Variants in GSTA2 observed in about 807,000 individuals in gnomAD.
GSTA2 encodes the protein glutathione S-transferase A2.
GSTA2 carries 27 observed loss-of-function variants against 22.4 expected under a neutral mutation model. That is an observed-to-expected ratio of 1.21 (90% confidence interval 0.89 to 1.67). GSTA2 has a LOEUF of 1.67. Among genes scored for constraint, GSTA2 ranks in the 40% most tolerant of loss-of-function variants. The pLI, the probability that GSTA2 is intolerant of heterozygous loss-of-function variation, is 0.00. For missense variants in GSTA2, 302 were observed against 260.2 expected (o/e 1.16, Z -1.11); for synonymous variants, 121 against 86.8 (o/e 1.39, Z -2.19).
At chr6:52,754,049 G>A (rs373783736) in intron 4 of GSTA2, among the ~76,000 whole-genome samples, 5 of 152,114 alleles carry the variant, frequency 3.3e-5, no homozygotes, top group Non-Finnish European at 5.9e-5. Context: ...GCATGCATTC[G>A]TACTTCATTC....
chr6:52,754,812 G>A (rs1250082793), intron 4 of GSTA2, 131 bp downstream of exon 4: 1 of 1,160,182 alleles, frequency 8.6e-7, no homozygotes, highest in Non-Finnish European at 1.3e-6. Context: ...TGCAATACTG[G>A]ACCTCAGCGT....
At chr6:52,763,237 C>T (rs2070774) in intron 1 of GSTA2, among the ~76,000 whole-genome samples, 113,796 of 152,032 alleles carry the variant, frequency 0.75, 43,943 homozygotes, top group African/African-American at 0.94. Context: ...GTTTTCTAAA[C>T]TCTTCATTTT....
intron 6 of GSTA2, 70 bp from the exon 7 acceptor site, chr6:52,750,769 A>G: frequency 1.3e-6 from 2 of 1,571,406 alleles, no homozygotes; most frequent in Admixed American, 3.7e-5. Flanking sequence ...AACATGACCC[A>G]GGGAATCTGA....
rs1273592131 is a variant in GSTA2 at position 52,751,640 on chromosome 6, C to T, written c.483G>A (p.Val161=). Residue 161 remains valine (V), a synonymous_variant, in exon 6 of 7, where the codon GTG becomes GTA. Transcript: ENST00000493422. The part of the protein sequence containing the change: ...NKLSRADIHL[V]ELLYYVEELD... ...GCTCTTCCACGTAGTAGAGAAGTTC[C>T]ACCAGGTGAATGTCAGCCCGGCTCA... 1.2e-6 allele frequency: 2 copies of T among 1,614,166 alleles called. No homozygotes were observed. Among genetic ancestry groups the T allele is most frequent in the East Asian group, 2.2e-5 (1 of 44,872 alleles).
chr6:52,753,156 A>G (rs976898957), intron 4 of GSTA2, among the ~76,000 whole-genome samples, 161 bp from the exon 5 acceptor site: 16 of 146,924 alleles, frequency 1.1e-4, no homozygotes, highest in Non-Finnish European at 2.9e-5. Context: ...TTACAGGTAT[A>G]TAGTCATTAT....
intron 4 of GSTA2, among the ~76,000 whole-genome samples, chr6:52,753,340 G>A (rs1265609378): frequency 6.6e-6 from 1 of 152,112 alleles, no homozygotes; most frequent in Non-Finnish European, 1.5e-5. Flanking sequence ...GCTGTGCCAG[G>A]ATTTATCATC....
chr6:52,750,455 T>C lies in GSTA2; in HGVS notation c.*122A>G. On this transcript the variant is annotated 3_prime_UTR_variant, in exon 7 of 7. Transcript: ENST00000493422. ...TAGGAGTTGTATTATTTAATTAGCA[T>C]ATAATTTGAAAGAGTTCATTAGCTT... 1.1e-6 allele frequency: 1 copy of C among 870,096 alleles called. No individual in the cohort carries two copies. Among genetic ancestry groups the C allele is most frequent in the Non-Finnish European group, 1.8e-6 (1 of 558,704 alleles). The allele number at this position is 870,096 out of a possible 1,614,324, so 53.9% of individuals were successfully genotyped here. A position where few individuals can be genotyped will look rare whatever the true frequency, so the allele number is the denominator to read the frequency against.
At chr6:52,760,989 T>G (rs546626848) in intron 1 of GSTA2, among the ~76,000 whole-genome samples, 4 of 152,176 alleles carry the variant, frequency 2.6e-5, no homozygotes, top group South Asian at 2.1e-4. Context: ...TCTCTGAGGT[T>G]GTCCCAGTGA....
At chr6:52,755,224 T>TTG in intron 3 of GSTA2, 149 bp from the exon 4 acceptor site, 1 of 1,107,056 alleles carries the variant, frequency 9.0e-7, no homozygotes, top group African/African-American at 1.6e-5. Context: ...ACTTTTTTTT[T>TTG]TTTTTTTTGA....
chr6:52,759,687 T>C (rs11757872), intron 1 of GSTA2, among the ~76,000 whole-genome samples: 1 of 144,396 alleles, frequency 6.9e-6, no homozygotes, highest in Non-Finnish European at 1.5e-5. Context: ...CAGGTTCAAG[T>C]GATTCTCCTG....
rs777924051 is a variant in GSTA2, at chr6:52,752,988, T to A, written c.280A>T (p.Met94Leu). ...KDIKEKALID[M>L]YIEGIADLGE... ...AAATCTGCTATACCTTCTATATACA[T>A]ATCAATCCTGAAAGACAAAAACAAC... Residue 94 changes from methionine (M) to leucine (L), a missense_variant, in exon 5 of 7, where the codon ATG (methionine) becomes TTG (leucine). Transcript: ENST00000493422. 1.1e-5 allele frequency: 18 copies of A among 1,595,964 alleles called. No individual in the cohort carries two copies. The highest frequency in any genetic ancestry group is 1.5e-5 in the Non-Finnish European group (18 of 1,172,374).
chr6:52,752,784 A>T (rs1762766694), intron 5 of GSTA2, 70 bp downstream of exon 5: 2 of 1,591,956 alleles, frequency 1.3e-6, no homozygotes, highest in Admixed American at 1.7e-5. Flanking sequence ...GTGCCCCAGG[A>T]ATGCCCAGCC....
chr6:52,752,266 G>T (rs1373176503), intron 5 of GSTA2, among the ~76,000 whole-genome samples: 2 of 152,116 alleles, frequency 1.3e-5, no homozygotes, highest in African/African-American at 4.8e-5. Flanking sequence ...CATCGACTCT[G>T]GTTCCTAAAT....
chr6:52,751,319 C>G (rs116108678), intron 6 of GSTA2, among the ~76,000 whole-genome samples: 12 of 152,286 alleles, frequency 7.9e-5, no homozygotes, highest in Middle Eastern at 3.4e-3. Context: ...GATGGGGAGA[C>G]ATGCTGGGCC....
intron 2 of GSTA2, among the ~76,000 whole-genome samples, chr6:52,757,568 C>G (rs1762867952): frequency 6.6e-6 from 1 of 152,126 alleles, no homozygotes; most frequent in African/African-American, 2.4e-5. Flanking sequence ...ATTTGTGTTT[C>G]TAATTGTTGT....
intron 3 of GSTA2, among the ~76,000 whole-genome samples, chr6:52,755,450 G>A (rs79278188): frequency 0.018 from 2,723 of 152,242 alleles, 89 homozygotes; most frequent in African/African-American, 0.061. Flanking sequence ...CTGAACTGAA[G>A]TCATCCACCT....
chr6:52,753,409 T>C (rs1425797240), intron 4 of GSTA2, among the ~76,000 whole-genome samples: 1 of 152,178 alleles, frequency 6.6e-6, no homozygotes, highest in East Asian at 1.9e-4. Context: ...AAAGACCTGC[T>C]TCCTAAGTAA....
At position 52,754,296 on chromosome 6, in the gene GSTA2, C is replaced by A. The variant is rs150820358; in HGVS notation, c.272+647G>T. 6.9e-3 allele frequency among the ~76,000 whole-genome samples: 1,044 copies of A among 152,224 alleles called. 5 individuals are homozygous for A. Among genetic ancestry groups the A allele is most frequent in the Non-Finnish European group, 0.01 (693 of 68,018 alleles). On this transcript the variant is annotated intron_variant, in intron 4 of 6. Transcript: ENST00000493422. ...CCATATTAAAGTTTTTGAGGAGCTG[C>A]CAGCAGTTTCATTCAGGATTTATTT... is the stretch of plus-strand genomic sequence containing the variant.
chr6:52,750,809 C>CT, intron 6 of GSTA2, 110 bp from the exon 7 acceptor site: 1 of 1,375,700 alleles, frequency 7.3e-7, no homozygotes, highest in South Asian at 1.4e-5. Flanking sequence ...AAGTGAGTCG[C>CT]TTCCACTTGG....
Sources: gnomAD v4.1 joint callset for allele counts (sites outside exome capture counted in the v4.1 genomes callset) on GRCh38, gnomAD v4.1.1 for gene constraint, MANE v1.5 for transcripts, NCBI Gene and HGNC (gene_info 2026-07-23, HGNC 2026-07-21) for gene names.